The following MCM5 variants were observed in gnomAD, a reference collection of about 807,000 sequenced individuals.
MCM5 encodes the protein DNA replication licensing factor MCM5.
In MCM5, 46 loss-of-function variants were observed where a neutral mutation model predicts 79.9. That is an observed-to-expected ratio of 0.58 (90% confidence interval 0.45 to 0.74). MCM5 has a LOEUF of 0.74. Among genes scored for constraint, MCM5 ranks in the 30% least tolerant of loss-of-function variants. The pLI is 0.00. For missense variants in MCM5, 883 were observed against 1,017.0 expected (o/e 0.87, Z 1.79); for synonymous variants, 404 against 390.5 (o/e 1.03, Z -0.41).
chr22:35,424,296 C>A lies in MCM5; in HGVS notation c.*41C>A. On this transcript the variant is annotated 3_prime_UTR_variant, in exon 17 of 17. Transcript: ENST00000216122. The stretch of plus-strand genomic sequence containing the variant: ...TGGACTCATGGACTCGCCCACGCCT[C>A]GCCCCTCCTGCCGCTGCCTGCCATT... 7.1e-7 allele frequency: 1 copy of A among 1,399,362 alleles called. No homozygotes were observed. Among genetic ancestry groups the A allele is most frequent in the Non-Finnish European group, 9.8e-7 (1 of 1,024,922 alleles). 86.7% of individuals were successfully genotyped at this position (1,399,362 alleles called of 1,614,324 possible). A position where few individuals can be genotyped will look rare whatever the true frequency, so the allele number is the denominator to read the frequency against.
At chr22:35,403,116 G>A in intron 2 of MCM5, 91 bp from the exon 3 acceptor site, 5 of 1,488,030 alleles carry the variant, frequency 3.4e-6, no homozygotes, top group Non-Finnish European at 4.6e-6. Context: ...TGTGGTGTGG[G>A]CAGATTCAGG....
chr22:35,421,455 T>C lies in MCM5; in HGVS notation c.1970T>C (p.Leu657Pro), dbSNP rs2145802171. ...STLDAALSGT[L>P]SGVEGFTSQE... ...TTGGATGCTGCCTTGTCCGGTACCC[T>C]GTCAGGTGAGCAGATGCAGGGGCCA... The change falls in exon 15 of 17, where the codon CTG becomes CCG. Residue 657 changes from leucine (L) to proline (P), a missense_variant. Physicochemically the swap from Leu to Pro is moderately conservative, Grantham distance 98. Around this residue, in one of 3 missense-constraint regions of MCM5, gnomAD observed 426 missense variants for 482.3 expected, o/e 0.88. Coordinates refer to ENST00000216122, the MANE Select transcript of MCM5 (RefSeq NM_006739.4). 6.2e-7 allele frequency: 1 copy of C among 1,614,120 alleles called. No homozygotes were observed. Among genetic ancestry groups the C allele is most frequent in the Non-Finnish European group, 8.5e-7 (1 of 1,180,038 alleles).
Position 35,423,319 on chromosome 22 carries a change from T to G in MCM5, c.2081T>G (p.Ile694Ser), listed in dbSNP as rs1350198209. 1 of 1,606,160 alleles carries G rather than the reference T, an allele frequency of 6.2e-7. No homozygotes were observed. The highest frequency in any genetic ancestry group is 8.5e-7 in the Non-Finnish European group (1 of 1,175,018). Reference sequence around the variant, plus strand: ...GGCTCCCAGGTGTCTGAGCACAGCATCATCAAGGACTTCACCAAGCAGGTG... The same window carrying G: ...GGCTCCCAGGTGTCTGAGCACAGCAGCATCAAGGACTTCACCAAGCAGGTG... ...AIGSQVSEHS[I>S]IKDFTKQKYP... The change falls in exon 16 of 17, where the codon ATC becomes AGC. Residue 694 changes from isoleucine (I) to serine (S), a missense_variant. This residue lies in a region of MCM5 where 426 missense variants were observed against 482.3 expected (regional missense o/e 0.88). Transcript: ENST00000216122.
At chr22:35,430,686 A>G in the MCM5 span, among the ~76,000 whole-genome samples, 1 of 151,196 alleles carries the variant, frequency 6.6e-6, no homozygotes, top group Non-Finnish European at 1.5e-5. Flanking sequence ...TTTGTTTTGT[A>G]TTTTTAGTAG....
At chr22:35,409,752 A>C (rs533708131) in intron 6 of MCM5, 1 of 152,184 alleles carries the variant, frequency 6.6e-6, no homozygotes, top group Non-Finnish European at 1.5e-5. Flanking sequence ...TGTTAACTTC[A>C]TTAGTGGCAA....
intron 16 of MCM5, 50 bp from the exon 17 acceptor site, chr22:35,424,104 G>C: frequency 7.8e-7 from 1 of 1,277,530 alleles, no homozygotes; most frequent in Non-Finnish European, 1.1e-6. Context: ...GGGCTCTGTC[G>C]GAGTCCCCTC....
chr22:35,448,272 A>G, the MCM5 span, among the ~76,000 whole-genome samples: 1 of 152,220 alleles, frequency 6.6e-6, no homozygotes, highest in Non-Finnish European at 1.5e-5. Context: ...AGCCTGGCCT[A>G]CGGGAAGGCG....
At chr22:35,430,648 G>A in the MCM5 span, among the ~76,000 whole-genome samples, 3 of 151,990 alleles carry the variant, frequency 2.0e-5, no homozygotes, top group South Asian at 2.1e-4. Flanking sequence ...GACTACAGGC[G>A]CGTGCCACCA....
chr22:35,413,071 C>G (rs1029075920), intron 8 of MCM5, among the ~76,000 whole-genome samples: 2 of 151,364 alleles, frequency 1.3e-5, no homozygotes, highest in Non-Finnish European at 2.9e-5. Flanking sequence ...TTGAGACAGT[C>G]TCACTCTGTT....
chr22:35,421,127 C>CAA (rs133430), intron 14 of MCM5, among the ~76,000 whole-genome samples, 191 bp from the exon 15 acceptor site: 211 of 88,628 alleles, frequency 2.4e-3, no homozygotes, highest in Middle Eastern at 5.8e-3. Context: ...GACTTTGTCT[C>CAA]AAAAAAAAAA....
At chr22:35,407,383 C>T (rs1376446817) in intron 5 of MCM5, among the ~76,000 whole-genome samples, 1 of 152,118 alleles carries the variant, frequency 6.6e-6, no homozygotes, top group Non-Finnish European at 1.5e-5. Context: ...ACCCTCCACC[C>T]CCTCAGTCTG....
the MCM5 span, among the ~76,000 whole-genome samples, chr22:35,443,146 A>AT: frequency 6.6e-6 from 1 of 152,104 alleles, no homozygotes; most frequent in South Asian, 2.1e-4. Flanking sequence ...CACTCATTCG[A>AT]TTGCCACATG....
Position 35,423,326 on chromosome 22 carries a change from G to C in MCM5, c.2088G>C (p.Lys696Asn). The C allele has an allele frequency of 6.2e-7, 1 of 1,603,642 alleles. No individual in the cohort carries two copies. Among genetic ancestry groups the C allele is most frequent in the Non-Finnish European group, 8.5e-7 (1 of 1,173,110 alleles). ...AGGTGTCTGAGCACAGCATCATCAA[G>C]GACTTCACCAAGCAGGTGAGCCTGC... is the stretch of plus-strand genomic sequence containing the variant. The part of the protein sequence containing the change: ...GSQVSEHSII[K>N]DFTKQKYPEH... Residue 696 changes from lysine (K) to asparagine (N), a missense_variant, in exon 16 of 17, where the codon AAG becomes AAC. Transcript: ENST00000216122.
At chr22:35,413,806 TG>T in intron 8 of MCM5, 68 bp from the exon 9 acceptor site, 1 of 894,882 alleles carries the variant, frequency 1.1e-6, no homozygotes, top group Non-Finnish European at 1.9e-6. Context: ...CCCACCAATC[TG>T]GTGACTGGAT....
chr22:35,450,441 C>T, the MCM5 span, among the ~76,000 whole-genome samples: 100 of 152,284 alleles, frequency 6.6e-4, no homozygotes, highest in African/African-American at 2.1e-3. Context: ...TTTCCCTCTC[C>T]CCTCCTGGGA....
At chr22:35,426,272 A>AG (rs1569072278), downstream of MCM5, among the ~76,000 whole-genome samples, 1 of 152,170 alleles carries the variant, frequency 6.6e-6, no homozygotes, top group Non-Finnish European at 1.5e-5. Flanking sequence ...AGCCAGGGAA[A>AG]CACCTGCTTG....
the MCM5 span, among the ~76,000 whole-genome samples, chr22:35,446,245 T>C: frequency 1.3e-5 from 2 of 152,178 alleles, no homozygotes; most frequent in African/African-American, 4.8e-5. Flanking sequence ...GCAGCCCTAA[T>C]AAGGGTATGT....
intron 8 of MCM5, among the ~76,000 whole-genome samples, 190 bp downstream of exon 8, chr22:35,412,871 C>T (rs527274529): frequency 2.6e-5 from 4 of 152,288 alleles, no homozygotes; most frequent in East Asian, 3.9e-4. Context: ...CCTGTCTCAG[C>T]GATGCCCTGA....
chr22:35,420,161 A>G (rs133428), intron 14 of MCM5, 149 bp downstream of exon 14: 403,115 of 861,788 alleles, frequency 0.47, 101,658 homozygotes, highest in African/African-American at 0.87. Context: ...TGGAGCATAA[A>G]CTATGGCCTC....
Sources: gnomAD v4.1 joint callset for allele counts (sites outside exome capture counted in the v4.1 genomes callset) on GRCh38, gnomAD v4.1.1 for gene constraint, gnomAD v4.1.1 regional missense constraint, MANE v1.5 for transcripts, NCBI Gene and HGNC (gene_info 2026-07-23, HGNC 2026-07-21) for gene names.